The following GSE1 variants were observed in gnomAD, a reference collection of about 807,000 sequenced individuals.
GSE1 encodes the protein genetic suppressor element 1.
GSE1 carries 32 observed loss-of-function variants against 112.6 expected under a neutral mutation model. The ratio of observed to expected loss-of-function variants is 0.28; its 90% CI spans 0.21 to 0.38. The LOEUF (loss-of-function observed/expected upper bound fraction) is 0.38. GSE1 is among the 10% of genes least tolerant of loss of function. The probability of loss-of-function intolerance (pLI) is 1.00; values close to 1 mark genes in which losing one functional copy is unlikely to be tolerated. For synonymous variants in GSE1, 1,115 were observed against 735.6 expected (o/e 1.52, Z -8.35); for missense variants, 2,348 against 1,699.2 (o/e 1.38, Z -6.71).
At chr16:85,331,461 G>GTGTGTATATATGTATATATGTGTATATA (rs2046353362) in intron 1 of GSE1, among the ~76,000 whole-genome samples, 1 of 137,938 alleles carries the variant, frequency 7.2e-6, no homozygotes, top group African/African-American at 2.7e-5. Flanking sequence ...GTATATATAT[G>GTGTGTATATATGTATATATGTGTATATA]TGTGTATATA....
intron 1 of GSE1, among the ~76,000 whole-genome samples, chr16:85,336,918 C>A (rs1388348012): frequency 6.6e-6 from 1 of 152,248 alleles, no homozygotes; most frequent in East Asian, 1.9e-4. Context: ...ACACGCATGC[C>A]CACACAAATG....
At chr16:85,613,488 G>T in intron 1 of GSE1, 90 bp downstream of exon 1, 2 of 1,159,338 alleles carry the variant, frequency 1.7e-6, no homozygotes, top group Non-Finnish European at 2.4e-6. Context: ...TCGCGGGGGC[G>T]GCCGCCAACG....
At chr16:85,665,320 C>T (rs901639789) in intron 12 of GSE1, among the ~76,000 whole-genome samples, 192 bp downstream of exon 12, 3 of 150,972 alleles carry the variant, frequency 2.0e-5, no homozygotes, top group Admixed American at 6.6e-5. Flanking sequence ...AGTTTGAAGG[C>T]GGGCTCAGAG....
chr16:85,185,368 C>G (rs1020576097), intron 1 of GSE1: 3 of 152,316 alleles, frequency 2.0e-5, no homozygotes, highest in Non-Finnish European at 2.9e-5. Context: ...GAGAGATGCT[C>G]CTTCCCAGTG....
At position 85,340,740 on chromosome 16, in the gene GSE1, CAG is replaced by C. The variant is rs1355825588; in HGVS notation, c.2284-16719_2284-16718del. Among the ~76,000 whole-genome samples, 6 of 152,288 alleles carry C rather than the reference CAG, an allele frequency of 3.9e-5. No individual in the cohort carries two copies. In the East Asian group the frequency reaches 1.2e-3, roughly 29 times the overall value. Reference sequence around the variant, plus strand: ...TTCCTAGCTTGGGTTTAAGAATGAACAGAGACACTTCCTGCAGGTCAGCAGGT... The same window carrying C: ...TTCCTAGCTTGGGTTTAAGAATGAACAGACACTTCCTGCAGGTCAGCAGGT... On this transcript the variant is annotated intron_variant, in intron 1 of 2. Coordinates refer to the GSE1 transcript ENST00000637419.
chr16:85,589,852 GAT>G (rs1455174751), intron 1 of GSE1, among the ~76,000 whole-genome samples: 3 of 151,874 alleles, frequency 2.0e-5, no homozygotes, highest in Admixed American at 6.6e-5. Flanking sequence ...ACATGTGTGA[GAT>G]ATTGTGAACA....
At chr16:85,487,720 T>C (rs1462662533) in intron 2 of GSE1, among the ~76,000 whole-genome samples, 1 of 141,376 alleles carries the variant, frequency 7.1e-6, no homozygotes, top group Non-Finnish European at 1.6e-5. Context: ...GCCAGGGCTG[T>C]GCCCTCGGGA....
intron 1 of GSE1, among the ~76,000 whole-genome samples, chr16:85,195,773 G>T (rs1414874450): frequency 6.6e-6 from 1 of 152,186 alleles, no homozygotes; most frequent in Non-Finnish European, 1.5e-5. Flanking sequence ...GTCCCGGAAA[G>T]GTTAGAAAGA....
intron 1 of GSE1, among the ~76,000 whole-genome samples, chr16:85,202,108 A>C (rs1006258621): frequency 6.6e-6 from 1 of 152,118 alleles, no homozygotes; most frequent in Non-Finnish European, 1.5e-5. Context: ...TGGCCGGCTT[A>C]GGAAGTGCTC....
chr16:85,329,753 C>G (rs1215161170), intron 1 of GSE1, among the ~76,000 whole-genome samples: 1 of 151,690 alleles, frequency 6.6e-6, no homozygotes, highest in Non-Finnish European at 1.5e-5. Flanking sequence ...CTTTCAGAGC[C>G]GCACCTGCTA....
intron 2 of GSE1, among the ~76,000 whole-genome samples, chr16:85,646,883 C>T (rs1281831083): frequency 7.7e-6 from 1 of 129,932 alleles, no homozygotes; most frequent in Non-Finnish European, 1.8e-5. Context: ...GGGCTTGATC[C>T]CCACAACAAG....
intron 1 of GSE1, among the ~76,000 whole-genome samples, chr16:85,323,426 G>A (rs1011503185): frequency 1.3e-5 from 2 of 152,170 alleles, no homozygotes; most frequent in African/African-American, 2.4e-5. Context: ...AGTCTCAGGA[G>A]GCTGCCAAGG....
At chr16:85,202,528 C>G (rs919562761) in intron 1 of GSE1, among the ~76,000 whole-genome samples, 1 of 152,196 alleles carries the variant, frequency 6.6e-6, no homozygotes, top group African/African-American at 2.4e-5. Context: ...GGGGCCGGCT[C>G]TGGAGAACAT....
intron 1 of GSE1, among the ~76,000 whole-genome samples, chr16:85,322,303 G>T (rs551864260): frequency 1.1e-4 from 17 of 152,330 alleles, no homozygotes; most frequent in Admixed American, 3.3e-4. Context: ...CGGGCGGGCG[G>T]GGGGGAAGGT....
At chr16:85,281,550 GC>G (rs2044858997) in intron 1 of GSE1, among the ~76,000 whole-genome samples, 1 of 152,148 alleles carries the variant, frequency 6.6e-6, no homozygotes. Flanking sequence ...ATTAGTTGGG[GC>G]TAAGAGGCCC....
At chr16:85,439,354 G>A (rs558652748) in intron 2 of GSE1, among the ~76,000 whole-genome samples, 1 of 152,346 alleles carries the variant, frequency 6.6e-6, no homozygotes, top group Admixed American at 6.5e-5. Context: ...GCCTCCCTGG[G>A]GCAAGATGAG....
rs1226778410 is a variant in GSE1, at chr16:85,410,983, C to T, written c.2464+53340C>T. Among the ~76,000 whole-genome samples the T allele has an allele frequency of 6.0e-4, 64 of 107,048 alleles. 2 individuals carry two copies. Among genetic ancestry groups the T allele is most frequent in the Admixed American group, 9.3e-4 (10 of 10,740 alleles). 70.2% of individuals were successfully genotyped at this position (107,048 alleles called of 152,430 possible). A position where few individuals can be genotyped will look rare whatever the true frequency, so the allele number is the denominator to read the frequency against. On this transcript the variant is annotated intron_variant, in intron 2 of 2. Coordinates refer to the GSE1 transcript ENST00000637419. ...AATCCTCACTGTTACACTCAGGGCC[C>T]CCCGGATAATCCTCACTGTTACACT...
chr16:85,464,951 G>A (rs541634577), intron 2 of GSE1, among the ~76,000 whole-genome samples: 8 of 152,200 alleles, frequency 5.3e-5, no homozygotes, highest in Non-Finnish European at 1.2e-4. Context: ...CAGGGGGAGG[G>A]CACTGGCTTC....
At chr16:85,618,881 C>T (rs2048546685) in intron 1 of GSE1, among the ~76,000 whole-genome samples, 1 of 152,234 alleles carries the variant, frequency 6.6e-6, no homozygotes, top group Non-Finnish European at 1.5e-5. Context: ...CCAGGGTGGT[C>T]TCAAACTCCT....
Sources: gnomAD v4.1 joint callset for allele counts (sites outside exome capture counted in the v4.1 genomes callset) on GRCh38, gnomAD v4.1.1 for gene constraint, MANE v1.5 for transcripts, NCBI Gene and HGNC (gene_info 2026-07-23, HGNC 2026-07-21) for gene names.